LINGO2: variants seen among roughly 807,000 people sequenced by gnomAD.
LINGO2 encodes the protein leucine rich repeat and Ig domain containing 2.
A neutral mutation model predicts 30.6 loss-of-function variants in LINGO2; 14 were observed. The ratio of observed to expected loss-of-function variants is 0.46; its 90% confidence interval spans 0.30 to 0.72. The LOEUF (loss-of-function observed/expected upper bound fraction) is 0.72. Ranked by LOEUF, LINGO2 falls within the 30% of genes least tolerant of loss-of-function variation. LINGO2 has a pLI of 0.07. For missense variants in LINGO2, 729 were observed against 751.7 expected, an observed-to-expected ratio of 0.97 and a Z score of 0.35; for synonymous variants, 317 against 288.5, an observed-to-expected ratio of 1.10 and a Z score of -1.00.
chr9:28,797,359 T>TAGAG, the LINGO2 span, among the ~76,000 whole-genome samples: 610 of 34,168 alleles, frequency 0.018, 18 homozygotes, highest in East Asian at 0.025. Context: ...TATATATATA[T>TAGAG]AGAGAGAGAG....
At chr9:27,992,959 T>C (rs1395697831) in intron 5 of LINGO2, among the ~76,000 whole-genome samples, 1 of 152,146 alleles carries the variant, frequency 6.6e-6, no homozygotes, top group African/African-American at 2.4e-5. Context: ...GTGAGAACTA[T>C]GGGAGCTATT....
chr9:28,891,218 G>C, the LINGO2 span, among the ~76,000 whole-genome samples: 1 of 152,098 alleles, frequency 6.6e-6, no homozygotes, highest in East Asian at 1.9e-4. Context: ...GCAGAGACCT[G>C]TATGTAACTA....
the LINGO2 span, among the ~76,000 whole-genome samples, chr9:29,183,599 T>C: frequency 6.6e-6 from 1 of 152,184 alleles, no homozygotes; most frequent in East Asian, 1.9e-4. Flanking sequence ...GGTTCATTCA[T>C]TCCTCTATTC....
the LINGO2 span, among the ~76,000 whole-genome samples, chr9:28,934,691 T>C: frequency 8.5e-6 from 1 of 117,232 alleles, no homozygotes; most frequent in African/African-American, 3.1e-5. Flanking sequence ...GATAAAAAAG[T>C]TAAAACAATA....
intron 2 of LINGO2, among the ~76,000 whole-genome samples, chr9:28,458,163 G>A (rs949840401): frequency 4.6e-5 from 7 of 152,182 alleles, no homozygotes; most frequent in South Asian, 2.1e-4. Context: ...ATCACAACAT[G>A]AGCCACATGT....
Position 28,632,365 on chromosome 9 carries a change from A to G in LINGO2, c.-365+37835T>C, listed in dbSNP as rs541306005. Among the ~76,000 whole-genome samples the G allele has an allele frequency of 6.1e-4, 92 of 151,990 alleles. 1 individual carries two copies. The highest frequency in any genetic ancestry group is 2.1e-3 in the African/African-American group (86 of 41,474). On this transcript the variant is annotated intron_variant, in intron 1 of 5. Coordinates refer to ENST00000379992, the Ensembl canonical transcript of LINGO2. The stretch of plus-strand genomic sequence containing the variant: ...CTGCAACTATTGGCTTGTAGGGAGA[A>G]GCCAAAGAGTGGGTTCCAAGGTTAT...
chr9:28,326,705 A>G (rs1825241504), intron 3 of LINGO2, among the ~76,000 whole-genome samples: 1 of 152,226 alleles, frequency 6.6e-6, no homozygotes, highest in African/African-American at 2.4e-5. Context: ...TTTTTCAAAT[A>G]AACGACTGAA....
intron 4 of LINGO2, among the ~76,000 whole-genome samples, chr9:28,122,375 A>G (rs1284759464): frequency 6.6e-6 from 1 of 152,232 alleles, no homozygotes; most frequent in Non-Finnish European, 1.5e-5. Context: ...AAGAAGGAAA[A>G]TAACAAGTGC....
At chr9:28,378,722 C>T (rs1471028998) in intron 2 of LINGO2, among the ~76,000 whole-genome samples, 1 of 152,196 alleles carries the variant, frequency 6.6e-6, no homozygotes, top group Non-Finnish European at 1.5e-5. Context: ...CATAGATTTA[C>T]ATCAATTCAT....
intron 4 of LINGO2, among the ~76,000 whole-genome samples, chr9:28,133,635 C>T (rs1169554302): frequency 1.3e-5 from 2 of 152,140 alleles, no homozygotes; most frequent in Non-Finnish European, 2.9e-5. Flanking sequence ...GCTCAGAAAG[C>T]ACTGATGGGC....
At chr9:28,663,906 G>C (rs1376349087) in intron 1 of LINGO2, among the ~76,000 whole-genome samples, 1 of 129,932 alleles carries the variant, frequency 7.7e-6, no homozygotes, top group African/African-American at 3.4e-5. Flanking sequence ...ATCAACTTGA[G>C]ATTATATATG....
At chr9:28,445,877 G>T (rs1824406173) in intron 2 of LINGO2, among the ~76,000 whole-genome samples, 1 of 152,094 alleles carries the variant, frequency 6.6e-6, no homozygotes, top group Non-Finnish European at 1.5e-5. Flanking sequence ...ATGATTATGG[G>T]TTATGATTTA....
chr9:28,323,846 A>T (rs1409355987), intron 3 of LINGO2, among the ~76,000 whole-genome samples: 2 of 152,192 alleles, frequency 1.3e-5, no homozygotes, highest in African/African-American at 4.8e-5. Context: ...ATTTGTAAAG[A>T]AGCTGATAGA....
intron 1 of LINGO2, among the ~76,000 whole-genome samples, chr9:28,576,201 C>A (rs1334904007): frequency 1.3e-5 from 2 of 152,214 alleles, no homozygotes; most frequent in Non-Finnish European, 2.9e-5. Context: ...CAATTATTCA[C>A]CCTTGTGATT....
In LINGO2 at chr9:28,025,545, A is replaced by T. The variant is rs539369492; in HGVS notation, c.-86-13140T>A. Among the ~76,000 whole-genome samples, 11 of 152,332 alleles carry T rather than the reference A, an allele frequency of 7.2e-5. No individual in the cohort carries two copies. The South Asian group carries it at 8.3e-4, about 11-fold the overall frequency. ...GCTGAGCATTTTTTCCTTCCAAAGC[A>T]TAAAACAAGCTTATTATCTGTATCA... On this transcript the variant is annotated intron_variant, in intron 4 of 5. Transcript: ENST00000379992.
At chr9:27,950,669 C>A in exon 6 of LINGO2, 1 of 1,505,842 alleles carries the variant, frequency 6.6e-7, no homozygotes, top group South Asian at 1.4e-5. Context: ...CCGTGTGAAG[C>A]ATGACTCCAC....
chr9:28,704,407 C>T, the LINGO2 span, among the ~76,000 whole-genome samples: 5 of 144,588 alleles, frequency 3.5e-5, no homozygotes, highest in African/African-American at 5.2e-5. Flanking sequence ...TTTTTTTTTT[C>T]GCATTTATCC....
At chr9:29,054,732 T>C in the LINGO2 span, among the ~76,000 whole-genome samples, 2 of 152,164 alleles carry the variant, frequency 1.3e-5, no homozygotes, top group African/African-American at 2.4e-5. Flanking sequence ...AGTAATAGAA[T>C]ATCCATTGGT....
At chr9:28,716,127 TA>T in the LINGO2 span, among the ~76,000 whole-genome samples, 1 of 151,728 alleles carries the variant, frequency 6.6e-6, no homozygotes, top group African/African-American at 2.4e-5. Context: ...CCTGTTTCTG[TA>T]CACTTAAAAT....
Sources: gnomAD v4.1 joint callset for allele counts (sites outside exome capture counted in the v4.1 genomes callset) on GRCh38, gnomAD v4.1.1 for gene constraint, MANE v1.5 for transcripts, NCBI Gene and HGNC (gene_info 2026-07-23, HGNC 2026-07-21) for gene names.